Variants in UMODL1 observed in about 807,000 individuals in gnomAD.
The protein encoded by UMODL1 is uromodulin-like 1.
Under a neutral mutation model 136.3 loss-of-function variants are expected in UMODL1, and 128 were observed. That is an observed-to-expected ratio of 0.94 (90% confidence interval 0.81 to 1.09). UMODL1 has a LOEUF of 1.09. Among genes scored for constraint, UMODL1 ranks in the 50% least tolerant of loss-of-function variants. UMODL1 has a pLI of 0.00. For synonymous variants in UMODL1, 721 were observed against 720.0 expected (o/e 1.00, Z -0.02); for missense variants, 1,766 against 1,725.6 (o/e 1.02, Z -0.41).
chr21:42,118,653 C>A (rs1302054290), intron 14 of UMODL1, among the ~76,000 whole-genome samples: 1 of 152,094 alleles, frequency 6.6e-6, no homozygotes, highest in African/African-American at 2.4e-5. Flanking sequence ...ACATGTTCTG[C>A]AGTGCCAGGA....
At chr21:42,075,251 G>T (rs199531873) in intron 1 of UMODL1, among the ~76,000 whole-genome samples, 1 of 149,064 alleles carries the variant, frequency 6.7e-6, no homozygotes, top group African/African-American at 2.5e-5. Flanking sequence ...TGGGGGGGGG[G>T]TTTCACCATG....
rs2066869290 is a variant in UMODL1 at position 42,113,789 on chromosome 21, G to A, written c.2321G>A (p.Cys774Tyr). 1.9e-6 allele frequency: 3 copies of A among 1,614,082 alleles called. No homozygotes were observed. The highest frequency in any genetic ancestry group is 8.5e-7 in the Non-Finnish European group (1 of 1,180,020). The change falls in exon 13 of 23, where the codon TGT becomes TAT. Residue 774 changes from cysteine (C) to tyrosine (Y), a missense_variant. Coordinates refer to ENST00000408910, the MANE Select transcript of UMODL1 (RefSeq NM_001004416.3). ...CTGGTTGAGATCATGGCCAAAGCAT[G>A]TGGGAAAGAAGGTGCCAGAGCTCAT... Reference protein sequence around the residue: ...LHLVEIMAKACGKEGARAHLK... With the variant: ...LHLVEIMAKAYGKEGARAHLK...
At chr21:42,140,663 G>T (rs1166605300) in intron 22 of UMODL1, among the ~76,000 whole-genome samples, 1 of 152,038 alleles carries the variant, frequency 6.6e-6, no homozygotes, top group East Asian at 1.9e-4. Context: ...CTTAATTCTT[G>T]CAGTGGGGAC....
Position 42,085,092 on chromosome 21 carries a change from T to A in UMODL1, c.482-199T>A, listed in dbSNP as rs1471177105. Among the ~76,000 whole-genome samples, 1 of 151,906 alleles carries A rather than the reference T, an allele frequency of 6.6e-6. No individual in the cohort carries two copies. Among genetic ancestry groups the A allele is most frequent in the African/African-American group, 2.4e-5 (1 of 41,326 alleles). Reference sequence around the variant, plus strand: ...AGGGATCGGTGGTCTTCAGGGACATTAGGATGGAGAGGAGCGAGGGGCGGG... The same window carrying A: ...AGGGATCGGTGGTCTTCAGGGACATAAGGATGGAGAGGAGCGAGGGGCGGG... On this transcript the variant is annotated intron_variant, in intron 3 of 22. Transcript: ENST00000408910. This position sits in a 1 kb window ranked among gnomAD's most constrained non-coding sequence, Gnocchi z 4.5.
chr21:42,114,628 A>G (rs8129439), intron 13 of UMODL1, among the ~76,000 whole-genome samples: 39,161 of 152,230 alleles, frequency 0.26, 5,160 homozygotes, highest in East Asian at 0.33. Context: ...AAGATGGTCT[A>G]TTGGGATGCA....
At chr21:42,128,675 G>A (rs1486019819) in intron 20 of UMODL1, among the ~76,000 whole-genome samples, 1 of 152,250 alleles carries the variant, frequency 6.6e-6, no homozygotes, top group East Asian at 1.9e-4. Context: ...CCACACACGA[G>A]GAGCCTGCCC....
At chr21:42,115,642 G>A (rs1453337324) in intron 13 of UMODL1, among the ~76,000 whole-genome samples, 1 of 152,224 alleles carries the variant, frequency 6.6e-6, no homozygotes, top group Non-Finnish European at 1.5e-5. Flanking sequence ...GGGCGAGCTG[G>A]CTCTGTGGCC....
chr21:42,093,673 G>A (rs2146457350), intron 6 of UMODL1, among the ~76,000 whole-genome samples: 1 of 152,272 alleles, frequency 6.6e-6, no homozygotes, highest in Non-Finnish European at 1.5e-5. Flanking sequence ...AGGCTGTGTG[G>A]GGAGAGCGGA....
At chr21:42,114,577 G>A (rs2066879728) in intron 13 of UMODL1, among the ~76,000 whole-genome samples, 1 of 151,484 alleles carries the variant, frequency 6.6e-6, no homozygotes, top group Non-Finnish European at 1.5e-5. Context: ...ATTGATAGCA[G>A]TGGTCTGCAC....
At chr21:42,106,707 G>A (rs1035582255) in intron 9 of UMODL1, among the ~76,000 whole-genome samples, 3 of 152,208 alleles carry the variant, frequency 2.0e-5, no homozygotes, top group Non-Finnish European at 4.4e-5. Context: ...TCACAGCGGC[G>A]GCCAAACCTC....
rs1237274691 is a variant in UMODL1, at chr21:42,122,095, T to C, written c.2828-736T>C. Among the ~76,000 whole-genome samples, 1 of 151,740 alleles carries C rather than the reference T, an allele frequency of 6.6e-6. No homozygotes were observed. The highest frequency in any genetic ancestry group is 1.5e-5 in the Non-Finnish European group (1 of 67,928). On this transcript the variant is annotated intron_variant, in intron 16 of 22. Coordinates refer to ENST00000408910, the MANE Select transcript of UMODL1 (RefSeq NM_001004416.3). The surrounding 1 kb of genome is among the most constrained non-coding windows in gnomAD (Gnocchi z 4.3). ...GGCCCAGAGACAGGAGTGAGCTGGG[T>C]GGAGCTGCAGGGTGCTGGGGCTGGG...
At chr21:42,096,462 T>C (rs1287995152) in intron 6 of UMODL1, among the ~76,000 whole-genome samples, 1 of 152,222 alleles carries the variant, frequency 6.6e-6, no homozygotes, top group African/African-American at 2.4e-5. Flanking sequence ...AAGCATGCAT[T>C]GCCAGCCCCG....
chr21:42,067,007 C>A (rs1032332988), upstream of UMODL1, among the ~76,000 whole-genome samples: 1 of 144,088 alleles, frequency 6.9e-6, no homozygotes, highest in African/African-American at 2.6e-5. Context: ...TGGAGTCTCG[C>A]TCTGTCCTCC....
At position 42,111,820 on chromosome 21, in the gene UMODL1, C is replaced by T. The variant is rs889371364; in HGVS notation, c.2104+110C>T. On this transcript the variant is annotated intron_variant, in intron 12 of 22. Transcript: ENST00000408910. Reference sequence around the variant, plus strand: ...GTGGAGTCGCAGGCTGCTAGCAATGCTCAGGCGGCATCCTCATCTTGTGCG... The same window carrying T: ...GTGGAGTCGCAGGCTGCTAGCAATGTTCAGGCGGCATCCTCATCTTGTGCG... 2.6e-6 allele frequency: 3 copies of T among 1,137,560 alleles called. No individual in the cohort carries two copies. In the African/African-American group the frequency reaches 4.7e-5, roughly 18 times the overall value. The allele number at this position is 1,137,560 out of a possible 1,614,324, so 70.5% of individuals were successfully genotyped here.
rs370912690 is a variant in UMODL1, at chr21:42,104,020, C to T, written c.1452C>T (p.Ala484=). The change falls in exon 9 of 23, where the codon GCC becomes GCT. Residue 484 remains alanine, a synonymous_variant. Coordinates refer to ENST00000408910, the MANE Select transcript of UMODL1 (RefSeq NM_001004416.3). ...TTCCCATGGGCATCTCCACGCTGGC[C>T]CCCATACTCCAGCCCCTGTTGGCAA... is the stretch of plus-strand genomic sequence containing the variant. ...PGFPMGISTL[A]PILQPLLAST... is the part of the protein sequence containing the mutation. 9 of 1,613,856 alleles carry T rather than the reference C, an allele frequency of 5.6e-6. 1 individual carries two copies. In the African/African-American group the frequency reaches 8.0e-5, roughly 14 times the overall value.
At chr21:42,088,144 T>C in intron 4 of UMODL1, 150 bp from the exon 5 acceptor site, 1 of 733,476 alleles carries the variant, frequency 1.4e-6, no homozygotes, top group Non-Finnish European at 2.1e-6. Flanking sequence ...GGGATAGTGA[T>C]GGATAGATAA....
rs769534813 is a variant in UMODL1, at chr21:42,103,969, C to G, written c.1401C>G (p.Leu467=). The change falls in exon 9 of 23, where the codon CTC becomes CTG. Residue 467 remains leucine (L), a synonymous_variant. Coordinates refer to ENST00000408910, the MANE Select transcript of UMODL1 (RefSeq NM_001004416.3). Reference sequence around the variant, plus strand: ...AGGCGGGAAGTGTGGTCGTGAGGCTCAAGCTCACCGTGCAGGACCCCGGGT... The same window carrying G: ...AGGCGGGAAGTGTGGTCGTGAGGCTGAAGCTCACCGTGCAGGACCCCGGGT... ...SLQAGSVVVR[L]KLTVQDPGFP... The G allele has an allele frequency of 1.2e-6, 2 of 1,614,096 alleles. No homozygotes were observed. Among genetic ancestry groups the G allele is most frequent in the Non-Finnish European group, 1.7e-6 (2 of 1,180,026 alleles).
intron 2 of UMODL1, among the ~76,000 whole-genome samples, chr21:42,082,492 T>C (rs2066373556): frequency 6.6e-6 from 1 of 152,242 alleles, no homozygotes. Flanking sequence ...TATCTGGGCA[T>C]GAACTGGACA....
chr21:42,093,023 C>G (rs773850764), intron 6 of UMODL1, among the ~76,000 whole-genome samples: 20 of 152,224 alleles, frequency 1.3e-4, no homozygotes, highest in Non-Finnish European at 2.4e-4. Context: ...GGCTCTCCCC[C>G]GCCCTCGGGG....
Sources: gnomAD v4.1 joint callset for allele counts (sites outside exome capture counted in the v4.1 genomes callset) on GRCh38, gnomAD v4.1.1 for gene constraint, Gnocchi (gnomAD v3.1) non-coding constraint, MANE v1.5 for transcripts, NCBI Gene and HGNC (gene_info 2026-07-23, HGNC 2026-07-21) for gene names.